MRAP2: variants seen among roughly 807,000 people sequenced by gnomAD.
MRAP2 encodes the protein melanocortin-2 receptor accessory protein 2.
A neutral mutation model predicts 17.4 loss-of-function variants in MRAP2; 20 were observed. That is an observed-to-expected ratio of 1.15 (90% confidence interval 0.81 to 1.67). MRAP2 has a LOEUF of 1.67. Ranked by LOEUF, MRAP2 falls within the 40% of genes most tolerant of loss-of-function variation. The pLI is 0.00. For missense variants in MRAP2, 238 were observed against 240.0 expected (o/e 0.99, Z 0.05); for synonymous variants, 96 against 88.4 (o/e 1.09, Z -0.48).
At chr6:84,056,960 A>C (rs1461037647) in intron 2 of MRAP2, among the ~76,000 whole-genome samples, 2 of 152,152 alleles carry the variant, frequency 1.3e-5, no homozygotes, top group African/African-American at 4.8e-5. Context: ...CTCATTCCTT[A>C]CTTACTTACT....
At position 84,090,709 on chromosome 6, in the gene MRAP2, A is replaced by C. The variant is rs1354347410; in HGVS notation, c.*1228A>C. 6.6e-6 allele frequency: 1 copy of C among 152,242 alleles called. No homozygotes were observed. Among genetic ancestry groups the C allele is most frequent in the Non-Finnish European group, 1.5e-5 (1 of 68,046 alleles). 9.4% of individuals were successfully genotyped at this position (152,242 alleles called of 1,614,324 possible). A position where few individuals can be genotyped will look rare whatever the true frequency, so the allele number is the denominator to read the frequency against. The stretch of plus-strand genomic sequence containing the variant: ...CCTGAGTTATGTAAACAAGTGAGCA[A>C]CACAGCTTTAATTTCATGGAGGAAT... On this transcript the variant is annotated 3_prime_UTR_variant, in exon 4 of 4. Transcript: ENST00000257776.
At chr6:84,118,717 G>A in the MRAP2 span, among the ~76,000 whole-genome samples, 1 of 146,444 alleles carries the variant, frequency 6.8e-6, no homozygotes, top group Non-Finnish European at 1.5e-5. Context: ...TTCCAAGCCA[G>A]TGTGTCTTAT....
At chr6:84,112,036 G>T in the MRAP2 span, among the ~76,000 whole-genome samples, 1 of 152,136 alleles carries the variant, frequency 6.6e-6, no homozygotes, top group Non-Finnish European at 1.5e-5. Flanking sequence ...TCGCATCAAT[G>T]TTATCATGGA....
chr6:84,047,991 A>G (rs894946376), intron 1 of MRAP2, among the ~76,000 whole-genome samples: 9 of 152,234 alleles, frequency 5.9e-5, no homozygotes, highest in Admixed American at 5.9e-4. Context: ...CATTGTATAT[A>G]CAACATTTTA....
chr6:84,071,590 G>A (rs2099496199), intron 3 of MRAP2, among the ~76,000 whole-genome samples: 1 of 152,272 alleles, frequency 6.6e-6, no homozygotes, highest in African/African-American at 2.4e-5. Flanking sequence ...GAATTTCCTA[G>A]GTGTTCTTTG....
intron 1 of MRAP2, among the ~76,000 whole-genome samples, chr6:84,051,765 G>T (rs1464827162): frequency 6.6e-6 from 1 of 152,170 alleles, no homozygotes; most frequent in African/African-American, 2.4e-5. Flanking sequence ...CCCAGGAGTG[G>T]TGTGGGAACC....
intron 3 of MRAP2, among the ~76,000 whole-genome samples, chr6:84,088,295 T>A (rs916345843): frequency 6.6e-6 from 1 of 152,234 alleles, no homozygotes; most frequent in Non-Finnish European, 1.5e-5. Flanking sequence ...GTTCTCAGCT[T>A]ACCTGGGCTC....
chr6:84,038,927 A>T (rs866411311), intron 1 of MRAP2, among the ~76,000 whole-genome samples: 29 of 152,386 alleles, frequency 1.9e-4, no homozygotes, highest in African/African-American at 6.7e-4. Flanking sequence ...TACAGTTGAC[A>T]TTTGAGCAGG....
chr6:84,132,516 A>G, the MRAP2 span, among the ~76,000 whole-genome samples: 1 of 152,130 alleles, frequency 6.6e-6, no homozygotes, highest in Admixed American at 6.5e-5. Context: ...ACATAGTCCC[A>G]TATTTCTTGG....
At chr6:84,058,543 G>C (rs2099492262) in intron 2 of MRAP2, among the ~76,000 whole-genome samples, 1 of 152,102 alleles carries the variant, frequency 6.6e-6, no homozygotes, top group South Asian at 2.1e-4. Flanking sequence ...TATCCAGGAG[G>C]ACAAGGGAGG....
chr6:84,069,771 C>T (rs546550369), intron 3 of MRAP2, among the ~76,000 whole-genome samples: 16 of 152,018 alleles, frequency 1.1e-4, no homozygotes, highest in Non-Finnish European at 1.9e-4. Context: ...AATCTCGCTG[C>T]TTGTTATTGG....
chr6:84,093,507 A>G (rs992039853), downstream of MRAP2, among the ~76,000 whole-genome samples: 1 of 152,232 alleles, frequency 6.6e-6, no homozygotes, highest in Admixed American at 6.5e-5. Context: ...AATACAGATC[A>G]CCAGACATAA....
At chr6:84,076,315 C>T (rs1174784354) in intron 3 of MRAP2, among the ~76,000 whole-genome samples, 1 of 151,956 alleles carries the variant, frequency 6.6e-6, no homozygotes, top group Non-Finnish European at 1.5e-5. Context: ...CCTCCACCAC[C>T]TGGGTTCAAG....
At chr6:84,096,485 G>C in the MRAP2 span, among the ~76,000 whole-genome samples, 1 of 152,276 alleles carries the variant, frequency 6.6e-6, no homozygotes, top group Non-Finnish European at 1.5e-5. Context: ...CTACCAGTGT[G>C]AGTTTGAAAG....
At chr6:84,145,300 G>A in the MRAP2 span, among the ~76,000 whole-genome samples, 1 of 152,092 alleles carries the variant, frequency 6.6e-6, no homozygotes, top group Non-Finnish European at 1.5e-5. Context: ...CTAGCCTGGA[G>A]ATGCCAATAA....
At chr6:84,063,154 C>G (rs140341517) in intron 3 of MRAP2, 162 bp downstream of exon 3, 179 of 985,238 alleles carry the variant, frequency 1.8e-4, no homozygotes, top group Non-Finnish European at 2.1e-4. Context: ...TCCAGCTATT[C>G]TCCTGGCTTT....
At chr6:84,087,833 A>G (rs2099500880) in intron 3 of MRAP2, among the ~76,000 whole-genome samples, 1 of 152,164 alleles carries the variant, frequency 6.6e-6, no homozygotes, top group Admixed American at 6.5e-5. Flanking sequence ...TTCTTGCTTG[A>G]TGTCACCCAG....
chr6:84,062,945 G>A lies in MRAP2; in HGVS notation c.180G>A (p.Met60Ile). ...GTCTTGCAGTCTTCGTGATTTTTAT[G>A]TTTTTTGTGCTGACCTTGCTGACCA... is the stretch of plus-strand genomic sequence containing the variant. ...WVGLAVFVIFMFFVLTLLTKT... is the reference protein window; with the variant it reads ...WVGLAVFVIFIFFVLTLLTKT... The change falls in exon 3 of 4, where the codon ATG becomes ATA. Residue 60 changes from methionine (M) to isoleucine (I), a missense_variant. Coordinates refer to ENST00000257776, the MANE Select transcript of MRAP2 (RefSeq NM_138409.4). 1 of 1,614,156 alleles carries A rather than the reference G, an allele frequency of 6.2e-7. No homozygotes were observed. The highest frequency in any genetic ancestry group is 8.5e-7 in the Non-Finnish European group (1 of 1,180,004).
chr6:84,062,504 T>G, intron 2 of MRAP2: 1 of 978,400 alleles, frequency 1.0e-6, no homozygotes, highest in Non-Finnish European at 1.2e-6. Flanking sequence ...TCTAAAGTTT[T>G]TCTTTTAACA....
Sources: allele counts gnomAD v4.1 joint callset (sites outside exome capture counted in the v4.1 genomes callset), GRCh38; gene constraint gnomAD v4.1.1; transcripts MANE v1.5; gene names NCBI Gene and HGNC (gene_info 2026-07-23, HGNC 2026-07-21).